P2RX7: variants seen among roughly 807,000 people sequenced by gnomAD.
P2RX7 encodes the protein P2X purinoceptor 7.
A neutral mutation model predicts 71.6 loss-of-function variants in P2RX7; 62 were observed. The ratio of observed to expected loss-of-function variants is 0.87; its 90% CI spans 0.71 to 1.07. The LOEUF (loss-of-function observed/expected upper bound fraction) is 1.07. Ranked by LOEUF, P2RX7 falls within the 50% of genes least tolerant of loss-of-function variation. P2RX7 has a pLI of 0.00. For synonymous variants in P2RX7, 299 were observed against 283.3 expected (o/e 1.06, Z -0.56); for missense variants, 686 against 748.5 (o/e 0.92, Z 0.97).
Position 121,185,058 on chromosome 12 carries a change from C to A in P2RX7, c.*256C>A. 2 of 357,622 alleles carry A rather than the reference C, an allele frequency of 5.6e-6. No homozygotes were observed. The highest frequency in any genetic ancestry group is 1.0e-5 in the Non-Finnish European group (2 of 197,554). 22.2% of individuals were successfully genotyped at this position (357,622 alleles called of 1,614,324 possible). On this transcript the variant is annotated 3_prime_UTR_variant, in exon 13 of 13. Transcript: ENST00000328963. ...CCAGATTGTGCCACTGCTCTCCAGC[C>A]TGGGAGGCACAGCAAACTGTCCCCC...
chr12:121,133,893 AT>A (rs202149360), intron 1 of P2RX7, among the ~76,000 whole-genome samples: 14,476 of 148,976 alleles, frequency 0.097, 1,119 homozygotes, highest in East Asian at 0.26. Context: ...ACTTCATTCA[AT>A]TTTTTTTTTT....
intron 1 of P2RX7, among the ~76,000 whole-genome samples, chr12:121,150,813 G>C (rs1246296031): frequency 2.0e-5 from 3 of 152,028 alleles, no homozygotes; most frequent in African/African-American, 7.2e-5. Flanking sequence ...GGAGGCTGAG[G>C]CAGGAGAATC....
intron 1 of P2RX7, among the ~76,000 whole-genome samples, chr12:121,133,988 T>G (rs1872969946): frequency 6.6e-6 from 1 of 152,230 alleles, no homozygotes; most frequent in South Asian, 2.1e-4. Context: ...CCTCCCAAAG[T>G]GTCAGGATTA....
In P2RX7 at chr12:121,187,690, G is replaced by A. The variant is rs1885010805; in HGVS notation, c.*2888G>A. The A allele has an allele frequency of 6.6e-6, 1 of 152,152 alleles. No individual in the cohort carries two copies. The highest frequency in any genetic ancestry group is 1.5e-5 in the Non-Finnish European group (1 of 68,016). The allele number at this position is 152,152 out of a possible 1,614,324, so 9.4% of individuals were successfully genotyped here. On this transcript the variant is annotated 3_prime_UTR_variant, in exon 13 of 13. Transcript: ENST00000328963. ...CACTTCAACTGTGTGTAATATGTCAGACACGTCCTACAATAACAGGCGTCA... is the reference window on the plus strand; with the variant it reads ...CACTTCAACTGTGTGTAATATGTCAAACACGTCCTACAATAACAGGCGTCA...
In P2RX7 at chr12:121,154,905, G is replaced by A. The variant is rs747646614; in HGVS notation, c.246G>A (p.Lys82=). ...KEEIVENGVK[K]LVHSVFDTAD... is the part of the protein sequence containing the mutation. ...AGATCGTGGAGAATGGAGTGAAGAA[G>A]TTGGTGCACAGTGTCTTTGACACCG... The change falls in exon 2 of 13, where the codon AAG becomes AAA. Residue 82 remains lysine, a synonymous_variant. Transcript: ENST00000328963. This position sits in a 1 kb window ranked among gnomAD's most constrained non-coding sequence, Gnocchi z 4.2. The A allele has an allele frequency of 1.9e-6, 3 of 1,614,140 alleles. No homozygotes were observed. Among genetic ancestry groups the A allele is most frequent in the Middle Eastern group, 1.6e-4 (1 of 6,062 alleles).
rs762608409 is a variant in P2RX7, at chr12:121,132,993, G to A, written c.23G>A (p.Ser8Asn). 2.5e-6 allele frequency: 4 copies of A among 1,613,922 alleles called. No individual in the cohort carries two copies. In the African/African-American group the frequency reaches 4.0e-5, roughly 16 times the overall value. The part of the protein sequence containing the change: MPACCSC[S>N]DVFQYETNKV... ...ACCATGCCGGCCTGCTGCAGCTGCAGTGATGTTTTCCAGTATGAGACGAAC... is the reference window on the plus strand; with the variant it reads ...ACCATGCCGGCCTGCTGCAGCTGCAATGATGTTTTCCAGTATGAGACGAAC... The change falls in exon 1 of 13, where the codon AGT (serine) becomes AAT (asparagine). Residue 8 changes from serine to asparagine, a missense_variant. Ser to Asn is a conservative substitution (Grantham distance 46). Transcript: ENST00000328963.
At chr12:121,150,261 C>G (rs1877114386) in intron 1 of P2RX7, among the ~76,000 whole-genome samples, 1 of 152,164 alleles carries the variant, frequency 6.6e-6, no homozygotes, top group African/African-American at 2.4e-5. Context: ...TTAAAATTTA[C>G]ATGTTCATGA....
Position 121,177,219 on chromosome 12 carries a change from G to T in P2RX7, c.1038+7G>T. ...CCTCTCCTACTTCGGTCTGGTAAGA[G>T]ATTCTCTTTTCCATGCTTTAGGAAA... On this transcript the variant is annotated splice_region_variant and intron_variant, in intron 10 of 12. Transcript: ENST00000328963. 6.2e-7 allele frequency: 1 copy of T among 1,614,204 alleles called. No homozygotes were observed. Among genetic ancestry groups the T allele is most frequent in the South Asian group, 1.1e-5 (1 of 91,088 alleles).
At chr12:121,181,354 G>A (rs538611674) in intron 12 of P2RX7, among the ~76,000 whole-genome samples, 43 of 152,240 alleles carry the variant, frequency 2.8e-4, no homozygotes, top group African/African-American at 9.4e-4. Context: ...TGCCAATAAC[G>A]CTGCTATGCT....
chr12:121,133,018 C>A lies in P2RX7; in HGVS notation c.48C>A (p.Asn16Lys). 1 of 1,614,070 alleles carries A rather than the reference C, an allele frequency of 6.2e-7. No homozygotes were observed. Among genetic ancestry groups the A allele is most frequent in the Non-Finnish European group, 8.5e-7 (1 of 1,179,982 alleles). The change falls in exon 1 of 13, where the codon AAC becomes AAA. Residue 16 changes from asparagine (N) to lysine (K), a missense_variant. Coordinates refer to ENST00000328963, the MANE Select transcript of P2RX7 (RefSeq NM_002562.6). The stretch of plus-strand genomic sequence containing the variant: ...GTGATGTTTTCCAGTATGAGACGAA[C>A]AAAGTCACTCGGATCCAGAGCATGA... The part of the protein sequence containing the change: ...SCSDVFQYET[N>K]KVTRIQSMNY...
intron 12 of P2RX7, among the ~76,000 whole-genome samples, chr12:121,183,294 G>C (rs562737298): frequency 5.3e-5 from 8 of 151,222 alleles, no homozygotes; most frequent in African/African-American, 1.9e-4. Context: ...GTCATGGCCG[G>C]GTGCAGTGGC....
intron 5 of P2RX7, among the ~76,000 whole-genome samples, chr12:121,163,334 ACACACACACACACACACACACACG>A (rs1277439096): frequency 2.4e-5 from 3 of 122,858 alleles, no homozygotes; most frequent in African/African-American, 6.6e-5. Context: ...GCTTACACAC[ACACACACACACACACACACACACG>A]CACACACACA....
At chr12:121,142,830 T>C (rs1329057819) in intron 1 of P2RX7, among the ~76,000 whole-genome samples, 1 of 152,158 alleles carries the variant, frequency 6.6e-6, no homozygotes. Context: ...GGCTCATGCC[T>C]GTAATCTCAG....
At chr12:121,168,441 G>C (rs935458360) in intron 8 of P2RX7, among the ~76,000 whole-genome samples, 1 of 151,852 alleles carries the variant, frequency 6.6e-6, no homozygotes, top group Non-Finnish European at 1.5e-5. Context: ...GCTAATTTTT[G>C]TATATTCAGT....
At chr12:121,176,171 G>A (rs1308074820) in intron 9 of P2RX7, among the ~76,000 whole-genome samples, 3 of 150,830 alleles carry the variant, frequency 2.0e-5, no homozygotes, top group Admixed American at 6.6e-5. Flanking sequence ...GGTTAGTGTC[G>A]AACCAGCCCT....
At chr12:121,157,316 T>A (rs1288771841) in intron 3 of P2RX7, among the ~76,000 whole-genome samples, 1 of 152,244 alleles carries the variant, frequency 6.6e-6, no homozygotes, top group Non-Finnish European at 1.5e-5. Flanking sequence ...CCAGGACCTC[T>A]GGGCAAAAGT....
chr12:121,179,485 A>T (rs140600643), intron 11 of P2RX7, among the ~76,000 whole-genome samples: 3 of 145,174 alleles, frequency 2.1e-5, no homozygotes, highest in African/African-American at 7.7e-5. Flanking sequence ...GGGCAACAAG[A>T]GCGAAACTCC....
At chr12:121,148,210 T>G (rs1188730692) in intron 1 of P2RX7, among the ~76,000 whole-genome samples, 4 of 150,572 alleles carry the variant, frequency 2.7e-5, no homozygotes, top group East Asian at 3.9e-4. Flanking sequence ...ATTTATTTAT[T>G]TATTTATTTA....
intron 1 of P2RX7, chr12:121,148,910 A>C: frequency 2.8e-6 from 1 of 358,684 alleles, no homozygotes; most frequent in Non-Finnish European, 5.4e-6. Context: ...GTCCATGAAG[A>C]TGTTTGTTGG....
Sources: gnomAD v4.1 joint callset for allele counts (sites outside exome capture counted in the v4.1 genomes callset) on GRCh38, gnomAD v4.1.1 for gene constraint, Gnocchi (gnomAD v3.1) non-coding constraint, MANE v1.5 for transcripts, NCBI Gene and HGNC (gene_info 2026-07-23, HGNC 2026-07-21) for gene names.